The following NPHP4 variants were observed in gnomAD, a reference collection of about 807,000 sequenced individuals.
The protein encoded by NPHP4 is nephrocystin-4.
NPHP4 carries 151 observed loss-of-function variants against 155.8 expected under a neutral mutation model. The ratio of observed to expected loss-of-function variants is 0.97; its 90% CI spans 0.85 to 1.11. NPHP4 has a LOEUF of 1.11. Among genes scored for constraint, NPHP4 ranks in the 50% least tolerant of loss-of-function variants. NPHP4 has a pLI of 0.00. For missense variants in NPHP4, 1,956 were observed against 1,925.7 expected, an observed-to-expected ratio of 1.02 and a Z score of -0.29; for synonymous variants, 845 against 816.8, an observed-to-expected ratio of 1.03 and a Z score of -0.59.
intron 1 of NPHP4, among the ~76,000 whole-genome samples, chr1:5,987,914 G>A (rs115778970): frequency 1.0e-3 from 159 of 152,286 alleles, no homozygotes; most frequent in African/African-American, 3.5e-3. Flanking sequence ...AAGCAAAAAT[G>A]AGAATTAAGA....
At position 5,986,313 on chromosome 1, in the gene NPHP4, G is replaced by A. The variant is rs369290528; in HGVS notation, c.-24C>T. The stretch of plus-strand genomic sequence containing the variant: ...ATCCTGCCCGCCTGAGGGTCCCGTG[G>A]GCTTCCCGGATGATCTGTGCCAGTC... On this transcript the variant is annotated 5_prime_UTR_variant, in exon 2 of 30. Coordinates refer to ENST00000378156, the MANE Select transcript of NPHP4 (RefSeq NM_015102.5). The A allele has an allele frequency of 9.9e-6, 16 of 1,612,848 alleles. No individual in the cohort carries two copies. The highest frequency in any genetic ancestry group is 1.4e-5 in the Non-Finnish European group (16 of 1,179,342).
At chr1:5,920,077 G>A (rs774058454) in intron 11 of NPHP4, among the ~76,000 whole-genome samples, 22 of 152,240 alleles carry the variant, frequency 1.4e-4, no homozygotes, top group Non-Finnish European at 2.5e-4. Context: ...GACTACAGGC[G>A]CGTGCCACCA....
chr1:5,880,300 T>C (rs1293340697), intron 18 of NPHP4, 61 bp from the exon 19 acceptor site: 2 of 1,576,426 alleles, frequency 1.3e-6, no homozygotes, highest in Non-Finnish European at 1.7e-6. Context: ...ATGAAACAGA[T>C]CAACCCACCA....
Position 5,892,898 on chromosome 1 carries a change from C to T in NPHP4, c.2144-1870G>A, listed in dbSNP as rs1644207166. 6.6e-6 allele frequency among the ~76,000 whole-genome samples: 1 copy of T among 152,164 alleles called. No homozygotes were observed. The highest frequency in any genetic ancestry group is 1.5e-5 in the Non-Finnish European group (1 of 68,038). ...CTGCACCCCCTTCACAAACACCACG[C>T]CCCAGCCCGGCTGGAATCCTCACTG... On this transcript the variant is annotated intron_variant, in intron 16 of 29. Coordinates refer to ENST00000378156, the MANE Select transcript of NPHP4 (RefSeq NM_015102.5). The surrounding 1 kb of genome is among the most constrained non-coding windows in gnomAD (Gnocchi z 4.5).
rs1379640807 is a variant in NPHP4 at position 5,961,872 on chromosome 1, A to G, written c.595T>C (p.Phe199Leu). Reference sequence around the variant, plus strand: ...AGAAGGTTCTCAGGAAGAAGGTGGAACGCAGGCTCCAGGGCCGGGTGTGGC... The same window carrying G: ...AGAAGGTTCTCAGGAAGAAGGTGGAGCGCAGGCTCCAGGGCCGGGTGTGGC... ...LKPHPALEPA[F>L]HLLPENLLVS... The change falls in exon 6 of 30, where the codon TTC becomes CTC. Residue 199 changes from phenylalanine to leucine, a missense_variant. Transcript: ENST00000378156. 1 of 1,613,792 alleles carries G rather than the reference A, an allele frequency of 6.2e-7. No individual in the cohort carries two copies. The highest frequency in any genetic ancestry group is 1.3e-5 in the African/African-American group (1 of 74,948).
chr1:5,952,603 C>T, intron 7 of NPHP4, 97 bp downstream of exon 7: 1 of 140,110 alleles, frequency 7.1e-6, no homozygotes. Context: ...TACCCTGCCC[C>T]ACCCACCCCT....
In NPHP4 at chr1:5,904,723, C is replaced by T. The variant is rs756780739; in HGVS notation, c.2037G>A (p.Thr679=). 8 of 1,613,858 alleles carry T rather than the reference C, an allele frequency of 5.0e-6. No individual in the cohort carries two copies. The Admixed American group carries it at 5.0e-5, about 10-fold the overall frequency. The change falls in exon 16 of 30, where the codon ACG becomes ACA. Residue 679 remains threonine (T), a synonymous_variant. Coordinates refer to ENST00000378156, the MANE Select transcript of NPHP4 (RefSeq NM_015102.5). ...TFQFYRFPPA[T]TPRLQLVQLD... Reference sequence around the variant, plus strand: ...GCTGGACCAGCTGCAGTCGTGGCGTCGTTGCGGGTGGGAAGCGGTAGAACT... The same window carrying T: ...GCTGGACCAGCTGCAGTCGTGGCGTTGTTGCGGGTGGGAAGCGGTAGAACT...
chr1:5,890,059 C>A lies in NPHP4; in HGVS notation c.2304+809G>T, dbSNP rs572948507. ...CAGCGCAGCTGAAGGAGCAGAGGAG[C>A]CGTGCTTCTCAGGGGTCAGCAGCTG... On this transcript the variant is annotated intron_variant, in intron 17 of 29. Coordinates refer to ENST00000378156, the MANE Select transcript of NPHP4 (RefSeq NM_015102.5). This position sits in a 1 kb window ranked among gnomAD's most constrained non-coding sequence, Gnocchi z 4.9. Among the ~76,000 whole-genome samples the A allele has an allele frequency of 9.3e-4, 142 of 152,220 alleles. 3 individuals carry two copies. Among genetic ancestry groups the A allele is most frequent in the Admixed American group, 9.1e-3 (139 of 15,300 alleles).
intron 23 of NPHP4, among the ~76,000 whole-genome samples, chr1:5,871,261 A>G (rs1019749096): frequency 6.6e-5 from 10 of 152,192 alleles, no homozygotes; most frequent in Non-Finnish European, 1.2e-4. Flanking sequence ...GTTATTTAAA[A>G]AAGGCACAGG....
At chr1:5,866,972 C>G in intron 25 of NPHP4, 58 bp downstream of exon 25, 1 of 1,360,022 alleles carries the variant, frequency 7.4e-7, no homozygotes, top group Non-Finnish European at 1.0e-6. Context: ...GGGAAGCCGA[C>G]AGGGGCGCAG....
chr1:5,891,053 C>A, intron 16 of NPHP4, 25 bp from the exon 17 acceptor site: 3 of 1,468,306 alleles, frequency 2.0e-6, no homozygotes, highest in Non-Finnish European at 2.7e-6. Flanking sequence ...CCAAAGGAGG[C>A]CAAAAGTAAT....
In NPHP4 at chr1:5,864,721, G is replaced by A. The variant is rs938421422; in HGVS notation, c.3817-204C>T. 8 of 549,118 alleles carry A rather than the reference G, an allele frequency of 1.5e-5. No individual in the cohort carries two copies. In the African/African-American group the frequency reaches 1.5e-4, roughly 10 times the overall value. 34.0% of individuals were successfully genotyped at this position (549,118 alleles called of 1,614,324 possible). ...CCAGGCAAGTCCCTCCTCTCACACG[G>A]CGACTATTCCCTAAGCGCTGCCTCC... On this transcript the variant is annotated intron_variant, in intron 27 of 29. Transcript: ENST00000378156.
intron 16 of NPHP4, among the ~76,000 whole-genome samples, chr1:5,895,961 C>A (rs1292166186): frequency 6.6e-6 from 1 of 152,186 alleles, no homozygotes; most frequent in Non-Finnish European, 1.5e-5. Context: ...ACGCAGCTAC[C>A]GTAGAGACGG....
rs1449413890 is a variant in NPHP4 at position 5,947,125 on chromosome 1, G to A, written c.1098C>T (p.Ser366=). The A allele has an allele frequency of 2.5e-6, 4 of 1,613,838 alleles. No homozygotes were observed. The highest frequency in any genetic ancestry group is 1.7e-5 in the Admixed American group (1 of 60,010). The change falls in exon 9 of 30, where the codon AGC becomes AGT. Residue 366 remains serine (S), a synonymous_variant. Coordinates refer to ENST00000378156, the MANE Select transcript of NPHP4 (RefSeq NM_015102.5). ...VIFQLEYVFS[S]PAGVDGNAAS... ...TTACATTGCCGTCCACTCCTGCAGG[G>A]CTGCTGAACACGTACTCCAGCTGGA...
Position 5,867,235 on chromosome 1 carries a change from C to G in NPHP4, c.3473-120G>C. The G allele has an allele frequency of 6.9e-6, 5 of 727,906 alleles. No homozygotes were observed. Among genetic ancestry groups the G allele is most frequent in the Non-Finnish European group, 1.1e-5 (5 of 435,534 alleles). 45.1% of individuals were successfully genotyped at this position (727,906 alleles called of 1,614,324 possible). On this transcript the variant is annotated intron_variant, in intron 24 of 29. Transcript: ENST00000378156. This position sits in a 1 kb window ranked among gnomAD's most constrained non-coding sequence, Gnocchi z 4.1. ...TCGTCACAGGTGCTCAGCAAGACAC[C>G]TGCTGGGGAAACGGACGCCGCCACC...
At chr1:5,903,710 T>C (rs956160246) in intron 16 of NPHP4, among the ~76,000 whole-genome samples, 1 of 152,194 alleles carries the variant, frequency 6.6e-6, no homozygotes, top group East Asian at 1.9e-4. Flanking sequence ...ATCCAGCCTT[T>C]CCTATACAAA....
In NPHP4 at chr1:5,969,230, G is replaced by A. The variant is rs762489156; in HGVS notation, c.309C>T (p.His103=). 3.8e-6 allele frequency: 6 copies of A among 1,582,600 alleles called. No homozygotes were observed. In the Admixed American group the frequency reaches 5.3e-5, roughly 14 times the overall value. ...EPLYFHTSLN[H]PHIVAVVEVV... ...CTTCCACCACAGCCACGATATGAGG[G>A]TGGTTTAGGGATGTGTGAAAATACA... Residue 103 remains histidine, a synonymous_variant, in exon 4 of 30, where the codon CAC becomes CAT. Coordinates refer to ENST00000378156, the MANE Select transcript of NPHP4 (RefSeq NM_015102.5).
intron 3 of NPHP4, among the ~76,000 whole-genome samples, chr1:5,971,837 G>A (rs922895088): frequency 2.0e-5 from 3 of 150,996 alleles, no homozygotes; most frequent in Non-Finnish European, 4.4e-5. Flanking sequence ...TGCAGGGCAA[G>A]GTCACTGGAG....
At chr1:5,943,024 G>T (rs543550703) in intron 9 of NPHP4, among the ~76,000 whole-genome samples, 1 of 152,152 alleles carries the variant, frequency 6.6e-6, no homozygotes, top group Non-Finnish European at 1.5e-5. Context: ...AACATTTCTG[G>T]AGCCCACACT....
Sources: allele counts gnomAD v4.1 joint callset (sites outside exome capture counted in the v4.1 genomes callset), GRCh38; gene constraint gnomAD v4.1.1; non-coding constraint Gnocchi (gnomAD v3.1); transcripts MANE v1.5; gene names NCBI Gene and HGNC (gene_info 2026-07-23, HGNC 2026-07-21).